Variants in TSPYL4 observed in about 807,000 individuals in gnomAD.
TSPYL4 encodes testis-specific Y-encoded-like protein 4.
A neutral mutation model predicts 24.2 loss-of-function variants in TSPYL4; 22 were observed. The observed-to-expected ratio is 0.91, with a 90% CI of 0.65 to 1.30. The LOEUF (loss-of-function observed/expected upper bound fraction) is 1.30, where lower values mean the gene tolerates loss of function less well. Among genes scored for constraint, TSPYL4 ranks in the 50% most tolerant of loss-of-function variants. The pLI is 0.00. For missense variants in TSPYL4, 569 were observed against 536.7 expected (o/e 1.06, Z -0.60); for synonymous variants, 211 against 208.2 (o/e 1.01, Z -0.12).
rs1242751464 is a variant in TSPYL4, at chr6:116,253,059, C to A, written c.950G>T (p.Arg317Leu). 3 of 1,614,116 alleles carry A rather than the reference C, an allele frequency of 1.9e-6. No individual in the cohort carries two copies. The East Asian group carries it at 6.7e-5, about 36-fold the overall frequency. ...AGACACCACCCGGCCAGAGGATCTG[C>A]GTTCATATTCCTTGACAAGCCCCTC... is the stretch of plus-strand genomic sequence containing the variant. Reference protein sequence around the residue: ...RNEGLVKEYERRSSGRVVSLS... With the variant: ...RNEGLVKEYELRSSGRVVSLS... The change falls in exon 1 of 1, where the codon CGC becomes CTC. Residue 317 changes from arginine to leucine, a missense_variant. Coordinates refer to ENST00000420283, the MANE Select transcript of TSPYL4 (RefSeq NM_021648.5). This position sits in a 1 kb window ranked among gnomAD's most constrained non-coding sequence, Gnocchi z 4.3.
chr6:116,254,031 G>T lies in TSPYL4; in HGVS notation c.-23C>A, dbSNP rs764251448. 5.2e-6 allele frequency: 8 copies of T among 1,543,860 alleles called. No homozygotes were observed. In the African/African-American group the frequency reaches 1.1e-4, roughly 21 times the overall value. ...CATTTTGGAAGAAGTCAGACTAGTG[G>T]GAGAGGGAGAGTTCCTTGTCCTCCG... On this transcript the variant is annotated 5_prime_UTR_variant, in exon 1 of 1. Transcript: ENST00000420283.
At position 116,251,295 on chromosome 6, in the gene TSPYL4, TTCTC is replaced by T. The variant is rs1236149608; in HGVS notation, c.*1465_*1468del. The T allele has an allele frequency of 2.5e-6, 1 of 398,580 alleles. No homozygotes were observed. The highest frequency in any genetic ancestry group is 3.6e-5 in the East Asian group (1 of 28,092). 24.7% of individuals were successfully genotyped at this position (398,580 alleles called of 1,614,324 possible). ...TCCTGAACCCATCACTGTGAGGCCC[TTCTC>T]TCTCTTTCCAGCTTCTCAAACTAAA... On this transcript the variant is annotated 3_prime_UTR_variant, in exon 1 of 1. Transcript: ENST00000420283.
rs1931895 is a variant in TSPYL4, at chr6:116,251,808, C to G, written c.*956G>C. 0.34 allele frequency: 51,450 copies of G among 152,076 alleles called. 9,742 individuals are homozygous for G. The highest frequency in any genetic ancestry group is 0.66 in the East Asian group (3,411 of 5,168). The allele number at this position is 152,076 out of a possible 1,614,324, so 9.4% of individuals were successfully genotyped here. A position where few individuals can be genotyped will look rare whatever the true frequency, so the allele number is the denominator to read the frequency against. On this transcript the variant is annotated 3_prime_UTR_variant, in exon 1 of 1. Transcript: ENST00000420283. ...AGGAAATGCCTAAAGAAGTTGCTCACATTAAGGATGGTTTGTTGGCTAGGA... is the reference window on the plus strand; with the variant it reads ...AGGAAATGCCTAAAGAAGTTGCTCAGATTAAGGATGGTTTGTTGGCTAGGA...
At position 116,253,094 on chromosome 6, in the gene TSPYL4, G is replaced by C. The variant is rs753279929; in HGVS notation, c.915C>G (p.Tyr305Ter). The C allele has an allele frequency of 1.2e-6, 2 of 1,614,158 alleles. No homozygotes were observed. Among genetic ancestry groups the C allele is most frequent in the East Asian group, 2.2e-5 (1 of 44,876 alleles). The change falls in exon 1 of 1, where the codon TAC becomes TAG. Residue 305 changes from tyrosine to a stop codon, truncating the protein, a stop_gained. Transcript: ENST00000420283. LOFTEE classifies it high-confidence loss of function. This position sits in a 1 kb window ranked among gnomAD's most constrained non-coding sequence, Gnocchi z 4.3. ...KFKFIFQGNP[Y>*]FRNEGLVKEY... is the part of the protein sequence containing the mutation. ...CCTTGACAAGCCCCTCATTTCGGAA[G>C]TAGGGGTTGCCCTGAAAGATGAACT... is the stretch of plus-strand genomic sequence containing the variant.
rs1346877661 is a variant in TSPYL4 at position 116,253,409 on chromosome 6, G to C, written c.600C>G (p.Ile200Met). The stretch of plus-strand genomic sequence containing the variant: ...CCTCCAGTGAGTCCATGCAGTTATT[G>C]ATCTTCGGGGCCCTGGGCCGTGTCT... ...KEETRPRAPK[I>M]NNCMDSLEAI... is the part of the protein sequence containing the mutation. The change falls in exon 1 of 1, where the codon ATC becomes ATG. Residue 200 changes from isoleucine (I) to methionine (M), a missense_variant. Ile to Met is a conservative substitution (Grantham distance 10). Transcript: ENST00000420283. The surrounding 1 kb of genome is among the most constrained non-coding windows in gnomAD (Gnocchi z 4.3). 1.9e-6 allele frequency: 3 copies of C among 1,551,712 alleles called. No individual in the cohort carries two copies. Among genetic ancestry groups the C allele is most frequent in the African/African-American group, 2.7e-5 (2 of 73,034 alleles).
chr6:116,252,802 C>T lies in TSPYL4; in HGVS notation c.1207G>A (p.Val403Met). Residue 403 changes from valine (V) to methionine (M), a missense_variant, in exon 1 of 1, where the codon GTG (valine) becomes ATG (methionine). Physicochemically the swap from Val to Met is conservative, Grantham distance 21 (BLOSUM62 1). Transcript: ENST00000420283. ...AACCTGAAGGATCTGGCGCTCTCCA[C>T]TGGCTGCCTTGGTGGGCCTCGAATT... ...RGIRGPPRQP[V>M]ESARSFRFQS... The T allele has an allele frequency of 6.3e-7, 1 of 1,599,660 alleles. No individual in the cohort carries two copies. Among genetic ancestry groups the T allele is most frequent in the Middle Eastern group, 1.7e-4 (1 of 6,036 alleles).
In TSPYL4 at chr6:116,253,229, G is replaced by A. The variant is rs750104590; in HGVS notation, c.780C>T (p.Asn260=). The change falls in exon 1 of 1, where the codon AAC becomes AAT. Residue 260 remains asparagine (N), a synonymous_variant. Coordinates refer to ENST00000420283, the MANE Select transcript of TSPYL4 (RefSeq NM_021648.5). The surrounding 1 kb of genome is among the most constrained non-coding windows in gnomAD (Gnocchi z 4.3). ...TGATCATAGGTGACAGCTGGGGGTG[G>A]TTTCGAAAGGCAGTAACCCAGAAAC... ...IPGFWVTAFR[N]HPQLSPMISG... is the part of the protein sequence containing the mutation. 2.5e-6 allele frequency: 4 copies of A among 1,613,970 alleles called. No homozygotes were observed. The highest frequency in any genetic ancestry group is 4.5e-5 in the East Asian group (2 of 44,846).
rs1042588624 is a variant in TSPYL4, at chr6:116,254,029, T to C, written c.-21A>G. 2.6e-6 allele frequency: 4 copies of C among 1,548,024 alleles called. No individual in the cohort carries two copies. The highest frequency in any genetic ancestry group is 2.0e-5 in the Admixed American group (1 of 49,880). On this transcript the variant is annotated 5_prime_UTR_variant, in exon 1 of 1. Coordinates refer to ENST00000420283, the MANE Select transcript of TSPYL4 (RefSeq NM_021648.5). Reference sequence around the variant, plus strand: ...CTCATTTTGGAAGAAGTCAGACTAGTGGGAGAGGGAGAGTTCCTTGTCCTC... The same window carrying C: ...CTCATTTTGGAAGAAGTCAGACTAGCGGGAGAGGGAGAGTTCCTTGTCCTC...
chr6:116,253,973 G>A lies in TSPYL4; in HGVS notation c.36C>T (p.Leu12=). The A allele has an allele frequency of 1.9e-6, 3 of 1,597,126 alleles. No individual in the cohort carries two copies. Among genetic ancestry groups the A allele is most frequent in the Non-Finnish European group, 8.5e-7 (1 of 1,171,234 alleles). Residue 12 remains leucine, a synonymous_variant, in exon 1 of 1, where the codon CTC becomes CTT. Coordinates refer to ENST00000420283, the MANE Select transcript of TSPYL4 (RefSeq NM_021648.5). The surrounding 1 kb of genome is among the most constrained non-coding windows in gnomAD (Gnocchi z 4.3). ...SGLDGGNKLP[L]AQTGGLAAPD... is the part of the protein sequence containing the mutation. ...GAGCAGCCAGGCCGCCGGTTTGGGC[G>A]AGAGGGAGCTTGTTGCCCCCATCCA... is the stretch of plus-strand genomic sequence containing the variant.
At position 116,253,947 on chromosome 6, in the gene TSPYL4, G is replaced by A. The variant is rs1196261503; in HGVS notation, c.62C>T (p.Pro21Leu). The A allele has an allele frequency of 1.0e-5, 16 of 1,607,096 alleles. No homozygotes were observed. The highest frequency in any genetic ancestry group is 1.7e-5 in the Admixed American group (1 of 58,486). ...PLAQTGGLAA[P>L]DHASGDPDRD... ...GTCCGGATCTCCTGAGGCATGGTCG[G>A]GAGCAGCCAGGCCGCCGGTTTGGGC... The change falls in exon 1 of 1, where the codon CCC becomes CTC. Residue 21 changes from proline to leucine, a missense_variant. Pro to Leu is a moderately conservative substitution (Grantham distance 98). Coordinates refer to ENST00000420283, the MANE Select transcript of TSPYL4 (RefSeq NM_021648.5). The surrounding 1 kb of genome is among the most constrained non-coding windows in gnomAD (Gnocchi z 4.3).
In TSPYL4 at chr6:116,253,378, C is replaced by T. The variant is rs1262019013; in HGVS notation, c.631G>A (p.Asp211Asn). Reference sequence around the variant, plus strand: ...GCATTTACGTTTGACAACTCTTGATCGATGGCCTCCAGTGAGTCCATGCAG... The same window carrying T: ...GCATTTACGTTTGACAACTCTTGATTGATGGCCTCCAGTGAGTCCATGCAG... ...NNCMDSLEAI[D>N]QELSNVNAQA... Residue 211 changes from aspartate to asparagine, a missense_variant, in exon 1 of 1, where the codon GAT (aspartate) becomes AAT (asparagine). By Grantham distance (23) the Asp-to-Asn change is conservative (BLOSUM62 1). Transcript: ENST00000420283. The surrounding 1 kb of genome is among the most constrained non-coding windows in gnomAD (Gnocchi z 4.3). 1.3e-6 allele frequency: 2 copies of T among 1,552,744 alleles called. No homozygotes were observed. Among genetic ancestry groups the T allele is most frequent in the Non-Finnish European group, 1.7e-6 (2 of 1,147,514 alleles).
Position 116,253,890 on chromosome 6 carries a change from G to C in TSPYL4, c.119C>G (p.Thr40Ser), listed in dbSNP as rs1204725999. 2 of 1,613,886 alleles carry C rather than the reference G, an allele frequency of 1.2e-6. No homozygotes were observed. Among genetic ancestry groups the C allele is most frequent in the African/African-American group, 2.7e-5 (2 of 75,056 alleles). The stretch of plus-strand genomic sequence containing the variant: ...GTTCGCCATCACCTGTGTCGCCTCG[G>C]TTTCTTCACGGAGCCCTTGGCACTG... ...RDQCQGLREE[T>S]EATQVMANTG... The change falls in exon 1 of 1, where the codon ACC becomes AGC. Residue 40 changes from threonine (T) to serine (S), a missense_variant. By Grantham distance (58) the Thr-to-Ser change is moderately conservative. Coordinates refer to ENST00000420283, the MANE Select transcript of TSPYL4 (RefSeq NM_021648.5). The surrounding 1 kb of genome is among the most constrained non-coding windows in gnomAD (Gnocchi z 4.3).
rs1437975211 is a variant in TSPYL4, at chr6:116,252,819, C to T, written c.1190G>A (p.Gly397Asp). ...GCTCTCCACTGGCTGCCTTGGTGGG[C>T]CTCGAATTCCTCTACGGGGCCCTTC... Reference protein sequence around the residue: ...MGEGPRRGIRGPPRQPVESAR... With the variant: ...MGEGPRRGIRDPPRQPVESAR... Residue 397 changes from glycine to aspartate, a missense_variant, in exon 1 of 1, where the codon GGC becomes GAC. Physicochemically the swap from Gly to Asp is moderately conservative, Grantham distance 94. Transcript: ENST00000420283. The T allele has an allele frequency of 1.9e-6, 3 of 1,597,548 alleles. No individual in the cohort carries two copies. In the South Asian group the frequency reaches 3.4e-5, roughly 18 times the overall value.
In TSPYL4 at chr6:116,253,472, C is replaced by T; in HGVS notation, c.537G>A (p.Val179=). 1.3e-6 allele frequency: 2 copies of T among 1,551,704 alleles called. No individual in the cohort carries two copies. Among genetic ancestry groups the T allele is most frequent in the South Asian group, 1.2e-5 (1 of 84,062 alleles). ...AGAAMEEKKV[V]QKEKKVAGGV... The stretch of plus-strand genomic sequence containing the variant: ...CTCCTGCCACCTTTTTTTCCTTCTG[C>T]ACTACCTTCTTTTCCTCCATCGCCG... Residue 179 remains valine (V), a synonymous_variant, in exon 1 of 1, where the codon GTG becomes GTA. Transcript: ENST00000420283. This position sits in a 1 kb window ranked among gnomAD's most constrained non-coding sequence, Gnocchi z 4.3.
In TSPYL4 at chr6:116,253,347, G is replaced by A; in HGVS notation, c.662C>T (p.Ala221Val). 6.4e-7 allele frequency: 1 copy of A among 1,560,830 alleles called. No individual in the cohort carries two copies. The highest frequency in any genetic ancestry group is 8.7e-7 in the Non-Finnish European group (1 of 1,151,960). The change falls in exon 1 of 1, where the codon GCT becomes GTT. Residue 221 changes from alanine to valine, a missense_variant. Physicochemically the swap from Ala to Val is moderately conservative, Grantham distance 64 (BLOSUM62 0). Coordinates refer to ENST00000420283, the MANE Select transcript of TSPYL4 (RefSeq NM_021648.5). The surrounding 1 kb of genome is among the most constrained non-coding windows in gnomAD (Gnocchi z 4.3). ...DQELSNVNAQ[A>V]DRAFLQLERK... is the part of the protein sequence containing the mutation. ...CTCAAGCTGAAGGAAGGCCCTGTCA[G>A]CCTGGGCATTTACGTTTGACAACTC...
chr6:116,253,920 C>T lies in TSPYL4; in HGVS notation c.89G>A (p.Arg30Gln), dbSNP rs2232470. Residue 30 changes from arginine (R) to glutamine (Q), a missense_variant, in exon 1 of 1, where the codon CGA (arginine) becomes CAA (glutamine). Coordinates refer to ENST00000420283, the MANE Select transcript of TSPYL4 (RefSeq NM_021648.5). This position sits in a 1 kb window ranked among gnomAD's most constrained non-coding sequence, Gnocchi z 4.3. ...APDHASGDPD[R>Q]DQCQGLREET... ...TTCACGGAGCCCTTGGCACTGGTCT[C>T]GGTCCGGATCTCCTGAGGCATGGTC... 1.2e-6 allele frequency: 2 copies of T among 1,613,158 alleles called. No individual in the cohort carries two copies. Among genetic ancestry groups the T allele is most frequent in the Non-Finnish European group, 1.7e-6 (2 of 1,179,506 alleles).
rs527998406 is a variant in TSPYL4 at position 116,252,095 on chromosome 6, C to T, written c.*669G>A. On this transcript the variant is annotated 3_prime_UTR_variant, in exon 1 of 1. Transcript: ENST00000420283. ...TAGAGTAACCAAAGGTACAGGAAAA[C>T]CAATGTGATAACATAGAACACTTTT... 1.3e-5 allele frequency: 2 copies of T among 152,850 alleles called. No homozygotes were observed. Among genetic ancestry groups the T allele is most frequent in the Non-Finnish European group, 2.9e-5 (2 of 68,200 alleles). 9.5% of individuals were successfully genotyped at this position (152,850 alleles called of 1,614,324 possible). A position where few individuals can be genotyped will look rare whatever the true frequency, so the allele number is the denominator to read the frequency against.
Position 116,253,080 on chromosome 6 carries a change from C to T in TSPYL4, c.929G>A (p.Gly310Glu), listed in dbSNP as rs1003514765. The change falls in exon 1 of 1, where the codon GGG becomes GAG. Residue 310 changes from glycine to glutamate, a missense_variant. Gly to Glu is a moderately conservative substitution (Grantham distance 98). Coordinates refer to ENST00000420283, the MANE Select transcript of TSPYL4 (RefSeq NM_021648.5). The surrounding 1 kb of genome is among the most constrained non-coding windows in gnomAD (Gnocchi z 4.3). ...TCTGCGTTCATATTCCTTGACAAGC[C>T]CCTCATTTCGGAAGTAGGGGTTGCC... ...FQGNPYFRNE[G>E]LVKEYERRSS... 27 of 1,613,930 alleles carry T rather than the reference C, an allele frequency of 1.7e-5. No individual in the cohort carries two copies. The highest frequency in any genetic ancestry group is 2.2e-5 in the Non-Finnish European group (26 of 1,180,028).
chr6:116,252,503 C>G lies in TSPYL4; in HGVS notation c.*261G>C, dbSNP rs760515696. 2 of 491,108 alleles carry G rather than the reference C, an allele frequency of 4.1e-6. No homozygotes were observed. The highest frequency in any genetic ancestry group is 3.8e-5 in the African/African-American group (2 of 52,368). 30.4% of individuals were successfully genotyped at this position (491,108 alleles called of 1,614,324 possible). A position where few individuals can be genotyped will look rare whatever the true frequency, so the allele number is the denominator to read the frequency against. On this transcript the variant is annotated 3_prime_UTR_variant, in exon 1 of 1. Coordinates refer to ENST00000420283, the MANE Select transcript of TSPYL4 (RefSeq NM_021648.5). ...GGTACACTATATCTATAGTATCATA[C>G]GCTTGGCATAGAAGCCGTAGAAGGC... is the stretch of plus-strand genomic sequence containing the variant.
Sources: allele counts gnomAD v4.1 joint callset, GRCh38; gene constraint gnomAD v4.1.1; non-coding constraint Gnocchi (gnomAD v3.1); transcripts MANE v1.5; gene names NCBI Gene and HGNC (gene_info 2026-07-23, HGNC 2026-07-21).